The following LNP1 variants were observed in gnomAD, a reference collection of about 807,000 sequenced individuals.
LNP1 encodes the protein leukemia NUP98 fusion partner 1.
Under a neutral mutation model 14.5 loss-of-function variants are expected in LNP1, and 12 were observed. The observed-to-expected ratio is 0.83, with a 90% CI of 0.53 to 1.34. The LOEUF is 1.34. LNP1 is among the 40% of genes most tolerant of loss of function. LNP1 has a pLI of 0.00. For synonymous variants in LNP1, 75 were observed against 71.4 expected (o/e 1.05, Z -0.26); for missense variants, 198 against 210.9 (o/e 0.94, Z 0.38).
chr3:100,428,579 G>T (rs1707215765), intron 1 of LNP1, among the ~76,000 whole-genome samples: 1 of 151,572 alleles, frequency 6.6e-6, no homozygotes, highest in Non-Finnish European at 1.5e-5. Flanking sequence ...GGAATACTTG[G>T]CTCCATACTT....
At chr3:100,437,887 A>T (rs1257341216) in intron 2 of LNP1, among the ~76,000 whole-genome samples, 1 of 152,250 alleles carries the variant, frequency 6.6e-6, no homozygotes, top group Non-Finnish European at 1.5e-5. Context: ...ACCAGATGTC[A>T]CATGCTTAGG....
chr3:100,429,036 A>C (rs1305043735), intron 1 of LNP1, among the ~76,000 whole-genome samples: 1 of 152,234 alleles, frequency 6.6e-6, no homozygotes, highest in Non-Finnish European at 1.5e-5. Flanking sequence ...TGGTGGTAAC[A>C]CAGGGGTATA....
chr3:100,438,175 G>C (rs1707309493), intron 2 of LNP1, among the ~76,000 whole-genome samples: 1 of 152,164 alleles, frequency 6.6e-6, no homozygotes, highest in African/African-American at 2.4e-5. Context: ...GGATACAATT[G>C]AAGGGTGATT....
At chr3:100,438,844 A>G (rs1486571293) in intron 2 of LNP1, among the ~76,000 whole-genome samples, 1 of 152,196 alleles carries the variant, frequency 6.6e-6, no homozygotes, top group Non-Finnish European at 1.5e-5. Flanking sequence ...CAGGTGCTAC[A>G]GCGTGATTCA....
intron 2 of LNP1, among the ~76,000 whole-genome samples, chr3:100,435,273 T>G (rs9290057): frequency 3.6e-4 from 55 of 152,120 alleles, no homozygotes; most frequent in African/African-American, 1.3e-3. Context: ...AGAAAGGCAG[T>G]GGAGAGGAGT....
intron 2 of LNP1, among the ~76,000 whole-genome samples, chr3:100,430,147 C>G (rs1170484835): frequency 6.6e-6 from 1 of 152,106 alleles, no homozygotes; most frequent in Non-Finnish European, 1.5e-5. Flanking sequence ...TCCTGATAAG[C>G]CTGAGATAAT....
intron 1 of LNP1, among the ~76,000 whole-genome samples, chr3:100,428,294 G>A (rs987400975): frequency 1.3e-5 from 2 of 152,166 alleles, no homozygotes; most frequent in Non-Finnish European, 2.9e-5. Flanking sequence ...AGCACTTTGG[G>A]AGGCTGAGAC....
chr3:100,451,341 G>T (rs1487010468), intron 2 of LNP1, among the ~76,000 whole-genome samples: 1 of 152,200 alleles, frequency 6.6e-6, no homozygotes. Context: ...CAACTCAAAG[G>T]TGGGAAAACC....
chr3:100,424,093 G>A lies in LNP1; in HGVS notation c.-33-5604G>A, dbSNP rs567919153. On this transcript the variant is annotated intron_variant, in intron 1 of 3. Coordinates refer to ENST00000383693, the MANE Select transcript of LNP1 (RefSeq NM_001085451.2). ...ATCTTTTCCTCATGTTTTTAAAGAA[G>A]AAATAGGCTTAACTAGGAGAAAAAA... Among the ~76,000 whole-genome samples the A allele has an allele frequency of 4.6e-5, 7 of 152,248 alleles. No individual in the cohort carries two copies. In the South Asian group the frequency reaches 1.4e-3, roughly 32 times the overall value.
rs142543697 is a variant in LNP1 at position 100,417,462 on chromosome 3, C to T, written c.-33-12235C>T. On this transcript the variant is annotated intron_variant, in intron 1 of 3. Coordinates refer to ENST00000383693, the MANE Select transcript of LNP1 (RefSeq NM_001085451.2). Reference sequence around the variant, plus strand: ...TGCGATCTCAGCTCACTGCAACCTCCGCCTCCCAGGCTAAGCACTTCTCCT... The same window carrying T: ...TGCGATCTCAGCTCACTGCAACCTCTGCCTCCCAGGCTAAGCACTTCTCCT... Among the ~76,000 whole-genome samples, 885 of 149,240 alleles carry T rather than the reference C, an allele frequency of 5.9e-3. 8 individuals are homozygous for T. The highest frequency in any genetic ancestry group is 0.021 in the African/African-American group (836 of 40,408).
intron 3 of LNP1, among the ~76,000 whole-genome samples, chr3:100,454,768 A>G (rs1050957109): frequency 1.2e-4 from 19 of 152,198 alleles, no homozygotes; most frequent in African/African-American, 4.6e-4. Flanking sequence ...CTGCGTTAAC[A>G]TTGTAGAGCG....
chr3:100,452,887 A>T (rs2148909030), intron 3 of LNP1, among the ~76,000 whole-genome samples: 1 of 152,234 alleles, frequency 6.6e-6, no homozygotes, highest in Non-Finnish European at 1.5e-5. Context: ...TCAACTCTGC[A>T]GCATGCTCAC....
chr3:100,447,240 A>G (rs189224637), intron 2 of LNP1, among the ~76,000 whole-genome samples: 1 of 152,362 alleles, frequency 6.6e-6, no homozygotes, highest in East Asian at 1.9e-4. Flanking sequence ...AAAATGTGGC[A>G]CATATACACA....
intron 1 of LNP1, among the ~76,000 whole-genome samples, chr3:100,417,831 A>C (rs1435952839): frequency 3.3e-5 from 5 of 151,752 alleles, no homozygotes; most frequent in African/African-American, 1.2e-4. Flanking sequence ...TATCTTTATA[A>C]TTGTTAGTTA....
chr3:100,402,795 C>T (rs1294930416), intron 1 of LNP1, among the ~76,000 whole-genome samples: 2 of 151,826 alleles, frequency 1.3e-5, no homozygotes, highest in Non-Finnish European at 2.9e-5. Context: ...TACACTGTTA[C>T]GGTTAAACTC....
intron 1 of LNP1, among the ~76,000 whole-genome samples, chr3:100,420,131 G>A (rs1174782890): frequency 1.3e-5 from 2 of 152,148 alleles, no homozygotes; most frequent in Non-Finnish European, 2.9e-5. Context: ...GGCTAATGAT[G>A]TTGAACATCT....
At chr3:100,415,605 G>T (rs972893870) in intron 1 of LNP1, among the ~76,000 whole-genome samples, 1 of 152,136 alleles carries the variant, frequency 6.6e-6, no homozygotes, top group Non-Finnish European at 1.5e-5. Flanking sequence ...TAATAAAATG[G>T]AAGATTCAGA....
intron 1 of LNP1, among the ~76,000 whole-genome samples, chr3:100,427,407 G>A (rs1707204817): frequency 1.3e-5 from 2 of 152,054 alleles, no homozygotes; most frequent in Non-Finnish European, 2.9e-5. Context: ...AATTGTCCTG[G>A]GGTTGGATCT....
chr3:100,440,216 C>T (rs568814187), intron 2 of LNP1, among the ~76,000 whole-genome samples: 11 of 152,284 alleles, frequency 7.2e-5, no homozygotes, highest in South Asian at 6.2e-4. Context: ...CCTCATTTAA[C>T]GTAATCACCT....
Sources: gnomAD v4.1 joint callset for allele counts (sites outside exome capture counted in the v4.1 genomes callset) on GRCh38, gnomAD v4.1.1 for gene constraint, MANE v1.5 for transcripts, NCBI Gene and HGNC (gene_info 2026-07-23, HGNC 2026-07-21) for gene names.